EPHA3: variants seen among roughly 807,000 people sequenced by gnomAD.
EPHA3 encodes ephrin type-A receptor 3.
Under a neutral mutation model 107.1 loss-of-function variants are expected in EPHA3, and 42 were observed. The observed-to-expected ratio is 0.39, with a 90% confidence interval of 0.31 to 0.51. The LOEUF (loss-of-function observed/expected upper bound fraction) is 0.51, where lower values mean the gene tolerates loss of function less well. EPHA3 is among the 20% of genes least tolerant of loss of function. The pLI, the probability that EPHA3 is intolerant of heterozygous loss-of-function variation, is 0.78. For synonymous variants in EPHA3, 461 were observed against 424.8 expected, an observed-to-expected ratio of 1.09 and a Z score of -1.05; for missense variants, 1,183 against 1,211.2, an observed-to-expected ratio of 0.98 and a Z score of 0.35.
intron 3 of EPHA3, among the ~76,000 whole-genome samples, chr3:89,250,891 T>C (rs1165792975): frequency 1.3e-5 from 2 of 152,170 alleles, no homozygotes; most frequent in Admixed American, 1.3e-4. Flanking sequence ...GATATCTTTC[T>C]ATAAGACTGT....
At chr3:89,277,718 C>CTATT (rs1217034525) in intron 3 of EPHA3, among the ~76,000 whole-genome samples, 7 of 152,054 alleles carry the variant, frequency 4.6e-5, no homozygotes, top group Non-Finnish European at 7.4e-5. Flanking sequence ...CCCTAGTGTT[C>CTATT]TATTGCTCTT....
intron 15 of EPHA3, among the ~76,000 whole-genome samples, chr3:89,468,316 C>A (rs189445108): frequency 7.2e-4 from 109 of 151,932 alleles, no homozygotes; most frequent in South Asian, 4.1e-4. Context: ...CAGTTGGGGT[C>A]ACTAATCCTT....
chr3:89,203,389 G>A (rs1706021629), intron 2 of EPHA3, among the ~76,000 whole-genome samples: 1 of 151,496 alleles, frequency 6.6e-6, no homozygotes, highest in African/African-American at 2.4e-5. Flanking sequence ...CAGACTTAAA[G>A]GTATGAGACA....
At chr3:89,230,822 TCTCACA>T (rs368997952) in intron 3 of EPHA3, among the ~76,000 whole-genome samples, 33 of 144,126 alleles carry the variant, frequency 2.3e-4, no homozygotes, top group African/African-American at 8.1e-4. Flanking sequence ...TCTCTCTCTC[TCTCACA>T]CACACACACA....
intron 5 of EPHA3, among the ~76,000 whole-genome samples, chr3:89,360,513 T>C (rs1248640327): frequency 2.6e-5 from 4 of 151,016 alleles, no homozygotes. Flanking sequence ...GTTGGAGTCA[T>C]TTGGCGCTTC....
intron 13 of EPHA3, among the ~76,000 whole-genome samples, chr3:89,435,442 A>AT (rs1026440902): frequency 9.6e-5 from 14 of 145,646 alleles, no homozygotes; most frequent in Admixed American, 2.1e-4. Context: ...TCTGTTAAAA[A>AT]ATATATATAT....
At chr3:89,401,084 G>T (rs1386034047) in intron 7 of EPHA3, among the ~76,000 whole-genome samples, 2 of 152,074 alleles carry the variant, frequency 1.3e-5, no homozygotes, top group African/African-American at 4.8e-5. Flanking sequence ...GTCCAAATTT[G>T]ATACCTGATA....
intron 16 of EPHA3, among the ~76,000 whole-genome samples, chr3:89,475,787 C>T (rs1469306861): frequency 6.6e-6 from 1 of 152,116 alleles, no homozygotes; most frequent in Non-Finnish European, 1.5e-5. Flanking sequence ...CCAGATAACA[C>T]TTTAACCTCT....
intron 1 of EPHA3, among the ~76,000 whole-genome samples, chr3:89,120,829 CTAATGAGAAAGAATAAGT>C (rs1327810536): frequency 1.3e-5 from 2 of 152,124 alleles, no homozygotes; most frequent in African/African-American, 4.8e-5. Context: ...GGAGAAAAAG[CTAATGAGAAAGAATAAGT>C]TAAGTGCAGA....
chr3:89,268,843 G>GT (rs1022066878), intron 3 of EPHA3, among the ~76,000 whole-genome samples: 1 of 150,284 alleles, frequency 6.7e-6, no homozygotes, highest in Non-Finnish European at 1.5e-5. Flanking sequence ...AATTTTACAA[G>GT]TTTTTTTAAA....
chr3:89,257,475 T>A (rs1265928153), intron 3 of EPHA3, among the ~76,000 whole-genome samples: 6 of 152,098 alleles, frequency 3.9e-5, no homozygotes, highest in African/African-American at 1.4e-4. Context: ...CCAGGGACTT[T>A]TGGAGAAATA....
intron 1 of EPHA3, among the ~76,000 whole-genome samples, chr3:89,124,645 A>C (rs1704052484): frequency 6.6e-6 from 1 of 152,034 alleles, no homozygotes; most frequent in African/African-American, 2.4e-5. Context: ...TAATGTATTA[A>C]ATTTACGAGA....
At chr3:89,341,339 A>G (rs1358993933) in intron 4 of EPHA3, among the ~76,000 whole-genome samples, 1 of 152,218 alleles carries the variant, frequency 6.6e-6, no homozygotes, top group Non-Finnish European at 1.5e-5. Context: ...ATCCTGCATT[A>G]CATATGACAG....
At position 89,107,830 on chromosome 3, in the gene EPHA3, A is replaced by T; in HGVS notation, c.82A>T (p.Asn28Tyr). Residue 28 changes from asparagine to tyrosine, a missense_variant, in exon 1 of 17, where the codon AAT (asparagine) becomes TAT (tyrosine). By Grantham distance (143) the Asn-to-Tyr change is moderately radical. Coordinates refer to ENST00000336596, the MANE Select transcript of EPHA3 (RefSeq NM_005233.6). ...CGGGGAACTGATTCCGCAGCCTTCC[A>T]ATGAAGGTAAGCCAGGTACCGCGAC... ...SFGELIPQPS[N>Y]EVNLLDSKTI... 6.2e-7 allele frequency: 1 copy of T among 1,613,912 alleles called. No individual in the cohort carries two copies. Among genetic ancestry groups the T allele is most frequent in the Non-Finnish European group, 8.5e-7 (1 of 1,179,950 alleles).
chr3:89,475,699 C>T (rs981860000), intron 16 of EPHA3, among the ~76,000 whole-genome samples: 1 of 152,198 alleles, frequency 6.6e-6, no homozygotes, highest in Non-Finnish European at 1.5e-5. Context: ...TAAGCAGATT[C>T]ATTGCCACAT....
intron 2 of EPHA3, among the ~76,000 whole-genome samples, chr3:89,185,200 G>C (rs929043855): frequency 5.3e-5 from 8 of 151,878 alleles, no homozygotes. Context: ...ACAACGTCCA[G>C]CAAAGTTCTA....
At chr3:89,393,686 C>A (rs1277787236) in intron 5 of EPHA3, among the ~76,000 whole-genome samples, 1 of 152,118 alleles carries the variant, frequency 6.6e-6, no homozygotes, top group East Asian at 1.9e-4. Context: ...GTAGAAAATG[C>A]AAAATTTGAG....
rs117484312 is a variant in EPHA3 at position 89,225,237 on chromosome 3, A to T, written c.814+14717A>T. 1.8e-4 allele frequency among the ~76,000 whole-genome samples: 27 copies of T among 152,248 alleles called. No homozygotes were observed. The East Asian group carries it at 4.4e-3, about 25-fold the overall frequency. Reference sequence around the variant, plus strand: ...TGCTTCGATGCCTGTAATGATCAGAAAAAAAATGCCTTTATAATCCAGTGG... The same window carrying T: ...TGCTTCGATGCCTGTAATGATCAGATAAAAAATGCCTTTATAATCCAGTGG... On this transcript the variant is annotated intron_variant, in intron 3 of 16. Transcript: ENST00000336596.
intron 2 of EPHA3, among the ~76,000 whole-genome samples, chr3:89,204,209 G>A (rs1391317539): frequency 6.6e-6 from 1 of 152,008 alleles, no homozygotes; most frequent in Admixed American, 6.6e-5. Context: ...GCCAAACTGT[G>A]GATATTGGCT....
Sources: gnomAD v4.1 joint callset for allele counts (sites outside exome capture counted in the v4.1 genomes callset) on GRCh38, gnomAD v4.1.1 for gene constraint, MANE v1.5 for transcripts, NCBI Gene and HGNC (gene_info 2026-07-23, HGNC 2026-07-21) for gene names.